The following CDH26 variants were observed in gnomAD, a reference collection of about 807,000 sequenced individuals.
CDH26 encodes the protein cadherin 26.
In CDH26, 83 loss-of-function variants were observed where a neutral mutation model predicts 90.3. The ratio of observed to expected loss-of-function variants is 0.92; its 90% CI spans 0.77 to 1.10. CDH26 has a LOEUF of 1.10. CDH26 is among the 50% of genes least tolerant of loss of function. CDH26 has a pLI of 0.00. For missense variants in CDH26, 1,013 were observed against 1,037.6 expected (o/e 0.98, Z 0.33); for synonymous variants, 397 against 396.3 (o/e 1.00, Z -0.02).
rs192901692 is a variant in CDH26 at position 59,998,292 on chromosome 20, G to A, written c.2020-1294G>A. Among the ~76,000 whole-genome samples the A allele has an allele frequency of 1.7e-3, 264 of 152,310 alleles. 3 individuals carry two copies. The highest frequency in any genetic ancestry group is 3.4e-3 in the Middle Eastern group (1 of 294). ...AGTGAAAGCTGCTGAGCTTGGAGGA[G>A]ACTGGCAGGAATGTCACACAACCTG... On this transcript the variant is annotated intron_variant, in intron 13 of 17. Coordinates refer to ENST00000348616, the MANE Select transcript of CDH26 (RefSeq NM_177980.4).
At chr20:59,959,478 C>A (rs1221311990) in intron 1 of CDH26, among the ~76,000 whole-genome samples, 1 of 151,896 alleles carries the variant, frequency 6.6e-6, no homozygotes, top group South Asian at 2.1e-4. Context: ...CTCAGTGCAC[C>A]GCAACCTCCT....
intron 8 of CDH26, among the ~76,000 whole-genome samples, chr20:59,988,341 C>A (rs2061483602): frequency 1.3e-5 from 2 of 152,250 alleles, no homozygotes; most frequent in East Asian, 3.9e-4. Flanking sequence ...CACCTGGCGA[C>A]AAGGCAGACC....
intron 9 of CDH26, among the ~76,000 whole-genome samples, chr20:59,991,913 A>G (rs973354752): frequency 1.3e-5 from 2 of 152,202 alleles, no homozygotes; most frequent in Non-Finnish European, 2.9e-5. Context: ...AGGGGGATGT[A>G]GAAGACCACT....
chr20:59,970,119 G>A lies in CDH26; in HGVS notation c.164G>A (p.Arg55Lys), dbSNP rs985702964. Residue 55 changes from arginine (R) to lysine (K), a missense_variant, in exon 3 of 18, where the codon AGA becomes AAA. Arg to Lys is a conservative substitution (Grantham distance 26, BLOSUM62 2). Transcript: ENST00000348616. ...CAGCCTCTACGGCGATCCAAGAGAA[G>A]ATGGGTTATCACCACCTTGGAGCTG... ...IYQPLRRSKR[R>K]WVITTLELEE... is the part of the protein sequence containing the mutation. The A allele has an allele frequency of 6.2e-7, 1 of 1,614,088 alleles. No homozygotes were observed. The highest frequency in any genetic ancestry group is 8.5e-7 in the Non-Finnish European group (1 of 1,179,988).
intron 4 of CDH26, among the ~76,000 whole-genome samples, chr20:59,979,794 T>A (rs936185085): frequency 6.6e-6 from 1 of 151,440 alleles, no homozygotes; most frequent in Non-Finnish European, 1.5e-5. Flanking sequence ...ACCTGGCTAA[T>A]TTTTATATTT....
intron 7 of CDH26, among the ~76,000 whole-genome samples, chr20:60,029,007 A>G (rs2062019829): frequency 6.6e-6 from 1 of 152,244 alleles, no homozygotes; most frequent in Non-Finnish European, 1.5e-5. Context: ...CCTTCCAAAA[A>G]GAGGAAATCC....
chr20:59,993,037 A>C (rs957288500), intron 10 of CDH26, among the ~76,000 whole-genome samples: 1 of 152,240 alleles, frequency 6.6e-6, no homozygotes, highest in African/African-American at 2.4e-5. Context: ...AATAACTTTA[A>C]AATTGTATTT....
intron 7 of CDH26, among the ~76,000 whole-genome samples, chr20:60,026,428 G>GA: frequency 6.7e-6 from 1 of 149,734 alleles, no homozygotes; most frequent in African/African-American, 2.5e-5. Context: ...GAGAGAGAGG[G>GA]AGAAGAGGAG....
chr20:60,033,558 G>A lies in CDH26; in HGVS notation c.1217G>A (p.Gly406Asp), dbSNP rs1217153546. 3.1e-6 allele frequency: 4 copies of A among 1,304,374 alleles called. No homozygotes were observed. The African/African-American group carries it at 4.6e-5, about 15-fold the overall frequency. 80.8% of individuals were successfully genotyped at this position (1,304,374 alleles called of 1,614,324 possible). ...GTTATGCAGCTGAGAAATGAACAAG[G>A]TGGGGTTCGAGTCCAGAGTGCGCAT... The change falls in exon 9 of 9, where the codon GGT (glycine) becomes GAT (aspartate). Residue 406 changes from glycine to aspartate, a missense_variant. Gly to Asp is a moderately conservative substitution (Grantham distance 94). Transcript: ENST00000370991.
Position 59,968,988 on chromosome 20 carries a change from C to T in CDH26, c.91C>T (p.Gln31Ter). The T allele has an allele frequency of 6.3e-7, 1 of 1,586,394 alleles. No individual in the cohort carries two copies. The highest frequency in any genetic ancestry group is 8.6e-7 in the Non-Finnish European group (1 of 1,156,310). The change falls in exon 2 of 18, where the codon CAA becomes TAA. Residue 31 changes from glutamine (Q) to a stop codon, truncating the protein, a stop_gained. Coordinates refer to ENST00000348616, the MANE Select transcript of CDH26 (RefSeq NM_177980.4). LOFTEE classifies it high-confidence loss of function. The part of the protein sequence containing the change: ...LLQVSIIDSV[Q>*]QETDDLTKQT... Reference sequence around the variant, plus strand: ...TAAGGTCAGTATCATTGACAGTGTTCAACAGGAAACAGATGATCTTACTAA... The same window carrying T: ...TAAGGTCAGTATCATTGACAGTGTTTAACAGGAAACAGATGATCTTACTAA...
chr20:60,007,171 G>A (rs2061765624), intron 17 of CDH26, among the ~76,000 whole-genome samples: 1 of 152,122 alleles, frequency 6.6e-6, no homozygotes, highest in African/African-American at 2.4e-5. Context: ...AAACCTAATT[G>A]TCTCCCAAAG....
chr20:60,033,576 G>A (rs1471294843), exon 9 of CDH26: 1 of 1,304,684 alleles, frequency 7.7e-7, no homozygotes, highest in Non-Finnish European at 1.0e-6. Flanking sequence ...CGAGTCCAGA[G>A]TGCGCATTCC....
chr20:59,970,124 G>T lies in CDH26; in HGVS notation c.169G>T (p.Val57Phe), dbSNP rs777728621. The change falls in exon 3 of 18, where the codon GTT (valine) becomes TTT (phenylalanine). Residue 57 changes from valine to phenylalanine, a missense_variant. Val to Phe is a conservative substitution (Grantham distance 50, BLOSUM62 -1). Coordinates refer to ENST00000348616, the MANE Select transcript of CDH26 (RefSeq NM_177980.4). ...TCTACGGCGATCCAAGAGAAGATGG[G>T]TTATCACCACCTTGGAGCTGGAGGA... is the stretch of plus-strand genomic sequence containing the variant. ...QPLRRSKRRW[V>F]ITTLELEEED... 61 of 1,613,954 alleles carry T rather than the reference G, an allele frequency of 3.8e-5. No individual in the cohort carries two copies. Among genetic ancestry groups the T allele is most frequent in the Non-Finnish European group, 5.1e-5 (60 of 1,179,972 alleles).
intron 15 of CDH26, 34 bp from the exon 16 acceptor site, chr20:60,002,779 T>C (rs1300719206): frequency 1.3e-6 from 2 of 1,543,538 alleles, no homozygotes; most frequent in Admixed American, 1.9e-5. Context: ...TGGTAATTTA[T>C]TTGAAATCAG....
In CDH26 at chr20:59,987,619, G is replaced by C; in HGVS notation, c.1004G>C (p.Gly335Ala). The C allele has an allele frequency of 3.1e-6, 5 of 1,612,604 alleles. No homozygotes were observed. The highest frequency in any genetic ancestry group is 4.2e-6 in the Non-Finnish European group (5 of 1,179,324). The change falls in exon 8 of 18, where the codon GGG (glycine) becomes GCG (alanine). Residue 335 changes from glycine to alanine, a missense_variant. Gly to Ala is a moderately conservative substitution (Grantham distance 60). Coordinates refer to ENST00000348616, the MANE Select transcript of CDH26 (RefSeq NM_177980.4). ...TCGACTGACCCTGAGACCAACGAAG[G>C]GATATTAAATGTTATCAAGGTAACA... is the stretch of plus-strand genomic sequence containing the variant. ...DISTDPETNE[G>A]ILNVIKPLDY...
At chr20:60,027,903 T>C (rs2062011142) in intron 7 of CDH26, among the ~76,000 whole-genome samples, 1 of 152,258 alleles carries the variant, frequency 6.6e-6, no homozygotes, top group South Asian at 2.1e-4. Flanking sequence ...TAGATTCACA[T>C]GCATTTGTAA....
At position 59,995,869 on chromosome 20, in the gene CDH26, C is replaced by G; in HGVS notation, c.1703C>G (p.Pro568Arg). The change falls in exon 12 of 18, where the codon CCA becomes CGA. Residue 568 changes from proline to arginine, a missense_variant. Coordinates refer to ENST00000348616, the MANE Select transcript of CDH26 (RefSeq NM_177980.4). The part of the protein sequence containing the change: ...SVELLTLRSL[P>R]RGNYLVPLFI... Reference sequence around the variant, plus strand: ...GAACTTTTAACCTTGAGAAGCCTGCCACGTGGTAATTACTTGGTGCCACTC... The same window carrying G: ...GAACTTTTAACCTTGAGAAGCCTGCGACGTGGTAATTACTTGGTGCCACTC... 6.2e-7 allele frequency: 1 copy of G among 1,614,200 alleles called. No individual in the cohort carries two copies. The highest frequency in any genetic ancestry group is 8.5e-7 in the Non-Finnish European group (1 of 1,180,032).
intron 4 of CDH26, among the ~76,000 whole-genome samples, chr20:59,972,774 C>A (rs970246285): frequency 6.6e-6 from 1 of 152,140 alleles, no homozygotes; most frequent in Non-Finnish European, 1.5e-5. Flanking sequence ...GGTTCTCAGG[C>A]GTGCTTGGCT....
intron 12 of CDH26, 40 bp from the exon 13 acceptor site, chr20:59,996,591 G>A: frequency 6.2e-7 from 1 of 1,614,202 alleles, no homozygotes; most frequent in Non-Finnish European, 8.5e-7. Flanking sequence ...TGATATGGGT[G>A]AGCTTGTCTA....
Sources: allele counts gnomAD v4.1 joint callset (sites outside exome capture counted in the v4.1 genomes callset), GRCh38; gene constraint gnomAD v4.1.1; transcripts MANE v1.5; gene names NCBI Gene and HGNC (gene_info 2026-07-23, HGNC 2026-07-21).